FSD1L: variants seen among roughly 807,000 people sequenced by gnomAD.
FSD1L encodes FSD1-like protein.
FSD1L carries 45 observed loss-of-function variants against 71.6 expected under a neutral mutation model. That is an observed-to-expected ratio of 0.63 (90% CI 0.49 to 0.81). The LOEUF (loss-of-function observed/expected upper bound fraction) is 0.81, where lower values mean the gene tolerates loss of function less well. Ranked by LOEUF, FSD1L falls within the 30% of genes least tolerant of loss-of-function variation. The pLI, the probability that FSD1L is intolerant of heterozygous loss-of-function variation, is 0.00. For synonymous variants in FSD1L, 197 were observed against 207.2 expected (o/e 0.95, Z 0.42); for missense variants, 561 against 618.1 (o/e 0.91, Z 0.98).
chr9:105,524,827 G>T, intron 10 of FSD1L: 1 of 1,588,720 alleles, frequency 6.3e-7, no homozygotes, highest in Non-Finnish European at 8.6e-7. Context: ...ATGAGCGGTG[G>T]TCCTGCTATG....
intron 10 of FSD1L, chr9:105,530,809 C>A: frequency 2.1e-6 from 1 of 484,946 alleles, no homozygotes; most frequent in South Asian, 2.9e-5. Context: ...TTTGTTTTTT[C>A]AATTTAGTAC....
chr9:105,448,086 A>C lies in FSD1L; in HGVS notation c.-135A>C. 1 of 1,009,080 alleles carries C rather than the reference A, an allele frequency of 9.9e-7. No homozygotes were observed. Among genetic ancestry groups the C allele is most frequent in the Non-Finnish European group, 1.5e-6 (1 of 669,486 alleles). 62.5% of individuals were successfully genotyped at this position (1,009,080 alleles called of 1,614,324 possible). On this transcript the variant is annotated 5_prime_UTR_variant, in exon 1 of 14. Transcript: ENST00000481272. Reference sequence around the variant, plus strand: ...TACGGCGCGCGCGGTCTGGGCGCGGACGGGTGGGGCCGGGCGGTGCCGGTG... The same window carrying C: ...TACGGCGCGCGCGGTCTGGGCGCGGCCGGGTGGGGCCGGGCGGTGCCGGTG...
At chr9:105,540,448 C>T (rs963625544) in intron 13 of FSD1L, among the ~76,000 whole-genome samples, 1 of 152,078 alleles carries the variant, frequency 6.6e-6, no homozygotes, top group African/African-American at 2.4e-5. Context: ...TTTTCATTTA[C>T]AGTTAGCACT....
intron 7 of FSD1L, among the ~76,000 whole-genome samples, chr9:105,498,067 AC>A (rs1833528703): frequency 2.0e-5 from 3 of 151,632 alleles, no homozygotes; most frequent in Admixed American, 2.0e-4. Context: ...CTGGTCTCAA[AC>A]CCCTGGCCTC....
At chr9:105,462,198 T>C (rs571223002) in intron 2 of FSD1L, among the ~76,000 whole-genome samples, 2 of 151,632 alleles carry the variant, frequency 1.3e-5, no homozygotes, top group East Asian at 3.9e-4. Context: ...TTTTTTTTGG[T>C]GGAAAGTTTT....
intron 5 of FSD1L, among the ~76,000 whole-genome samples, chr9:105,477,595 G>T (rs1162040376): frequency 6.6e-6 from 1 of 152,208 alleles, no homozygotes; most frequent in Non-Finnish European, 1.5e-5. Flanking sequence ...GAATGGAGAG[G>T]CAAAGAGTAA....
At chr9:105,537,360 GTTTT>G (rs1333876768) in intron 12 of FSD1L, among the ~76,000 whole-genome samples, 3 of 152,076 alleles carry the variant, frequency 2.0e-5, no homozygotes, top group African/African-American at 7.2e-5. Context: ...GCTTTGCTGT[GTTTT>G]TTGTTTTTTA....
rs149541063 is a variant in FSD1L at position 105,511,411 on chromosome 9, T to C, written c.896-1396T>C. The stretch of plus-strand genomic sequence containing the variant: ...CATGCATTACCTAGTAGCTCACATA[T>C]AGATGTTAACTTTATTAAGGCAGTT... On this transcript the variant is annotated intron_variant, in intron 9 of 13. Transcript: ENST00000481272. Among the ~76,000 whole-genome samples, 238 of 152,262 alleles carry C rather than the reference T, an allele frequency of 1.6e-3. 4 individuals carry two copies. The East Asian group carries it at 0.036, about 23-fold the overall frequency.
At chr9:105,491,325 T>G (rs1373519770) in intron 7 of FSD1L, among the ~76,000 whole-genome samples, 1 of 151,604 alleles carries the variant, frequency 6.6e-6, no homozygotes, top group East Asian at 1.9e-4. Flanking sequence ...ATAAGAATGC[T>G]TGTGATTTTT....
chr9:105,456,850 C>T (rs1830389124), intron 1 of FSD1L, among the ~76,000 whole-genome samples: 1 of 152,162 alleles, frequency 6.6e-6, no homozygotes, highest in African/African-American at 2.4e-5. Flanking sequence ...TTTTAGTTGT[C>T]ACCACATGAA....
At chr9:105,491,708 AG>A (rs1227377948) in intron 7 of FSD1L, among the ~76,000 whole-genome samples, 7 of 152,150 alleles carry the variant, frequency 4.6e-5, no homozygotes, top group East Asian at 1.9e-4. Flanking sequence ...TTTAGCATGA[AG>A]GGTTGTTGAA....
chr9:105,546,755 G>C lies in FSD1L; in HGVS notation c.*272G>C, dbSNP rs1366511783. On this transcript the variant is annotated 3_prime_UTR_variant, in exon 14 of 14. Coordinates refer to ENST00000481272, the MANE Select transcript of FSD1L (RefSeq NM_001145313.3). ...TTAATTAACATAAAAACTCATTTTT[G>C]TATTTCTTGGATTACTTTGACTATT... The C allele has an allele frequency of 4.6e-6, 1 of 218,008 alleles. No individual in the cohort carries two copies. The highest frequency in any genetic ancestry group is 9.0e-6 in the Non-Finnish European group (1 of 111,652). The allele number at this position is 218,008 out of a possible 1,614,324, so 13.5% of individuals were successfully genotyped here.
At chr9:105,448,955 C>T (rs1229194937) in intron 1 of FSD1L, among the ~76,000 whole-genome samples, 2 of 152,164 alleles carry the variant, frequency 1.3e-5, no homozygotes, top group African/African-American at 4.8e-5. Flanking sequence ...ATTTGGAGAA[C>T]AAAGCCAATG....
At chr9:105,450,233 A>C (rs904740570) in intron 1 of FSD1L, among the ~76,000 whole-genome samples, 2 of 152,186 alleles carry the variant, frequency 1.3e-5, no homozygotes, top group African/African-American at 4.8e-5. Context: ...TTTAGATACT[A>C]TTTTCTGTTA....
intron 4 of FSD1L, among the ~76,000 whole-genome samples, chr9:105,469,459 A>G (rs574763634): frequency 1.3e-5 from 2 of 151,740 alleles, no homozygotes; most frequent in South Asian, 4.2e-4. Flanking sequence ...GATAGTGGCC[A>G]TCATAATGGG....
At chr9:105,535,698 C>T (rs1356911504) in intron 12 of FSD1L, among the ~76,000 whole-genome samples, 1 of 152,012 alleles carries the variant, frequency 6.6e-6, no homozygotes, top group Non-Finnish European at 1.5e-5. Flanking sequence ...AGGATGAATA[C>T]CCCATTTTAC....
upstream of FSD1L, among the ~76,000 whole-genome samples, chr9:105,447,413 T>A (rs1215370925): frequency 1.3e-5 from 2 of 149,732 alleles, no homozygotes; most frequent in Non-Finnish European, 3.0e-5. Context: ...CTCACAATCC[T>A]CTGCAAAGTC....
intron 5 of FSD1L, among the ~76,000 whole-genome samples, chr9:105,474,583 T>C (rs1344483532): frequency 6.6e-6 from 1 of 152,198 alleles, no homozygotes; most frequent in Non-Finnish European, 1.5e-5. Flanking sequence ...GAGATGACTT[T>C]GGAGATTATT....
At chr9:105,529,773 T>C (rs759658045) in intron 10 of FSD1L, among the ~76,000 whole-genome samples, 2 of 150,890 alleles carry the variant, frequency 1.3e-5, no homozygotes, top group Non-Finnish European at 3.0e-5. Context: ...TATAATAATA[T>C]TAAAAAAAAA....
Sources: allele counts gnomAD v4.1 joint callset (sites outside exome capture counted in the v4.1 genomes callset), GRCh38; gene constraint gnomAD v4.1.1; transcripts MANE v1.5; gene names NCBI Gene and HGNC (gene_info 2026-07-23, HGNC 2026-07-21).